The following GTF3C1 variants were observed in gnomAD, a reference collection of about 807,000 sequenced individuals.
GTF3C1 encodes general transcription factor 3C polypeptide 1.
GTF3C1 carries 57 observed loss-of-function variants against 226.7 expected under a neutral mutation model. That is an observed-to-expected ratio of 0.25 (90% CI 0.20 to 0.31). The LOEUF is 0.31. Ranked by LOEUF, GTF3C1 falls within the 10% of genes least tolerant of loss-of-function variation. The pLI, the probability that GTF3C1 is intolerant of heterozygous loss-of-function variation, is 1.00. For missense variants in GTF3C1, 2,217 were observed against 2,776.1 expected, an observed-to-expected ratio of 0.80 and a Z score of 4.53; for synonymous variants, 1,090 against 1,084.8, an observed-to-expected ratio of 1.00 and a Z score of -0.09.
chr16:27,513,828 C>A (rs2088613343), intron 6 of GTF3C1, among the ~76,000 whole-genome samples: 1 of 152,172 alleles, frequency 6.6e-6, no homozygotes, highest in South Asian at 2.1e-4. Flanking sequence ...GGTGCTACGG[C>A]AAGGAGTGGG....
chr16:27,517,090 T>G (rs543903268), intron 6 of GTF3C1, among the ~76,000 whole-genome samples: 1 of 152,304 alleles, frequency 6.6e-6, no homozygotes, highest in Admixed American at 6.5e-5. Flanking sequence ...TCAAGTGTCT[T>G]GCCTGAAAAC....
In GTF3C1 at chr16:27,516,249, T is replaced by C. The variant is rs189584895; in HGVS notation, c.974-4348A>G. Among the ~76,000 whole-genome samples the C allele has an allele frequency of 3.3e-4, 51 of 152,366 alleles. No homozygotes were observed. The East Asian group carries it at 9.4e-3, about 28-fold the overall frequency. ...TGGTTCTCAGCATGAGGCTCAGTTG[T>C]TGGCCATGGAGGCTGAGGGCGATGC... On this transcript the variant is annotated intron_variant, in intron 6 of 36. Transcript: ENST00000356183.
chr16:27,529,360 T>C (rs2088881100), intron 5 of GTF3C1, among the ~76,000 whole-genome samples: 1 of 151,200 alleles, frequency 6.6e-6, no homozygotes, highest in Non-Finnish European at 1.5e-5. Context: ...GAGAACTGCT[T>C]GAACTGGGAG....
At chr16:27,501,125 A>G (rs533868523) in intron 12 of GTF3C1, 66 bp downstream of exon 12, 1 of 1,328,824 alleles carries the variant, frequency 7.5e-7, no homozygotes, top group South Asian at 1.2e-5. Context: ...CAATGACAAG[A>G]GAAGCTAGAC....
rs768971933 is a variant in GTF3C1 at position 27,497,648 on chromosome 16, T to C, written c.2339A>G (p.His780Arg). Residue 780 changes from histidine (H) to arginine (R), a missense_variant, in exon 14 of 37, where the codon CAC becomes CGC. Transcript: ENST00000356183. ...KMGITPLRNY[H>R]PIVVPGLGRS... ...AAGCTGCAGCTTACCTACAATGGGG[T>C]GATAATTTCTAAGCGGGGTTATGCC... The C allele has an allele frequency of 7.4e-6, 12 of 1,612,166 alleles. No homozygotes were observed. The highest frequency in any genetic ancestry group is 1.7e-5 in the Admixed American group (1 of 59,892).
At chr16:27,524,971 T>C (rs902783121) in intron 6 of GTF3C1, among the ~76,000 whole-genome samples, 1 of 152,014 alleles carries the variant, frequency 6.6e-6, no homozygotes, top group Non-Finnish European at 1.5e-5. Context: ...CTGGCCAACA[T>C]GGTAAAACCC....
In GTF3C1 at chr16:27,469,406, G is replaced by A. The variant is rs772629593; in HGVS notation, c.4959C>T (p.Ser1653=). 1.1e-5 allele frequency: 18 copies of A among 1,613,890 alleles called. No individual in the cohort carries two copies. The South Asian group carries it at 1.8e-4, about 16-fold the overall frequency. Residue 1653 remains serine (S), a synonymous_variant, in exon 32 of 37, where the codon TCC becomes TCT. Transcript: ENST00000356183. This position sits in a 1 kb window ranked among gnomAD's most constrained non-coding sequence, Gnocchi z 4.5. ...TNYLLMRGYY[S]PGIVSTRNLN... Reference sequence around the variant, plus strand: ...GGTTGCGGGTGCTGACGATGCCGGGGGAGTAGTAGCCCCTCATCAGCAGGT... The same window carrying A: ...GGTTGCGGGTGCTGACGATGCCGGGAGAGTAGTAGCCCCTCATCAGCAGGT...
At chr16:27,485,704 T>A (rs2088128010) in intron 24 of GTF3C1, among the ~76,000 whole-genome samples, 1 of 152,228 alleles carries the variant, frequency 6.6e-6, no homozygotes, top group Non-Finnish European at 1.5e-5. Flanking sequence ...TAGCTGGTCA[T>A]GGCAGGGTGC....
chr16:27,536,347 C>G (rs527466416), intron 4 of GTF3C1, among the ~76,000 whole-genome samples: 2 of 152,160 alleles, frequency 1.3e-5, no homozygotes, highest in African/African-American at 2.4e-5. Flanking sequence ...AATCCCAGCA[C>G]TTTGGGAGGC....
At chr16:27,489,481 C>T in intron 20 of GTF3C1, 121 bp downstream of exon 20, 2 of 735,746 alleles carry the variant, frequency 2.7e-6, no homozygotes, top group South Asian at 3.6e-5. Context: ...TCTGCAGCCT[C>T]TGCACCGGAG....
chr16:27,502,767 C>T, intron 11 of GTF3C1, 92 bp downstream of exon 11: 1 of 1,293,668 alleles, frequency 7.7e-7, no homozygotes. Flanking sequence ...ATTTGAATGC[C>T]CCTCAGTGGT....
At chr16:27,522,196 C>T (rs766650242) in intron 6 of GTF3C1, among the ~76,000 whole-genome samples, 5 of 152,238 alleles carry the variant, frequency 3.3e-5, no homozygotes, top group Non-Finnish European at 5.9e-5. Flanking sequence ...TCACAGGCCT[C>T]TGCATCCATC....
intron 14 of GTF3C1, among the ~76,000 whole-genome samples, chr16:27,497,236 G>A (rs1047905949): frequency 3.3e-5 from 5 of 152,240 alleles, no homozygotes; most frequent in Non-Finnish European, 1.5e-5. Flanking sequence ...CAACTCTGAG[G>A]AAATTATAGG....
chr16:27,512,086 T>C (rs570398265), intron 6 of GTF3C1, among the ~76,000 whole-genome samples, 185 bp from the exon 7 acceptor site: 3 of 152,286 alleles, frequency 2.0e-5, no homozygotes, highest in East Asian at 3.9e-4. Flanking sequence ...GAAAATGTAT[T>C]CCATAAAGCT....
intron 7 of GTF3C1, 121 bp downstream of exon 7, chr16:27,511,628 A>G (rs2088571360): frequency 9.5e-7 from 1 of 1,056,634 alleles, no homozygotes; most frequent in African/African-American, 1.6e-5. Flanking sequence ...CTGGGGAACC[A>G]AGGCACTTCC....
In GTF3C1 at chr16:27,549,567, T is replaced by TAC. The variant is rs1442671379; in HGVS notation, c.221+101_221+102dup. The TAC allele has an allele frequency of 7.2e-4, 511 of 709,142 alleles. 2 individuals carry two copies. Among genetic ancestry groups the TAC allele is most frequent in the Non-Finnish European group, 4.4e-5 (19 of 432,480 alleles). The allele number at this position is 709,142 out of a possible 1,614,324, so 43.9% of individuals were successfully genotyped here. A position where few individuals can be genotyped will look rare whatever the true frequency, so the allele number is the denominator to read the frequency against. ...CCCAACTCAATCAACAGGCCTCCGG[T>TAC]ACTTGCACAGCCCCACTCCATTCCC... On this transcript the variant is annotated intron_variant, in intron 1 of 36. Transcript: ENST00000356183.
At position 27,471,576 on chromosome 16, in the gene GTF3C1, A is replaced by T. The variant is rs919846688; in HGVS notation, c.4526+172T>A. ...CTGCCAGCGCTCACCTGATCCCCAT[A>T]CCACGAAGGAGGTAAGGGGCTGCAG... On this transcript the variant is annotated intron_variant, in intron 30 of 36. Transcript: ENST00000356183. The surrounding 1 kb of genome is among the most constrained non-coding windows in gnomAD (Gnocchi z 5.0). The T allele has an allele frequency of 4.7e-5, 28 of 593,774 alleles. No individual in the cohort carries two copies. Among genetic ancestry groups the T allele is most frequent in the African/African-American group, 4.4e-4 (24 of 54,090 alleles). The allele number at this position is 593,774 out of a possible 1,614,324, so 36.8% of individuals were successfully genotyped here. A position where few individuals can be genotyped will look rare whatever the true frequency, so the allele number is the denominator to read the frequency against.
chr16:27,506,969 T>A lies in GTF3C1; in HGVS notation c.1430A>T (p.Glu477Val), dbSNP rs2141403473. 1 of 1,613,088 alleles carries A rather than the reference T, an allele frequency of 6.2e-7. No homozygotes were observed. The highest frequency in any genetic ancestry group is 1.7e-4 in the Middle Eastern group (1 of 6,058). Residue 477 changes from glutamate (E) to valine (V), a missense_variant, in exon 9 of 37, where the codon GAG becomes GTG. This residue lies in a region of GTF3C1 where 173 missense variants were observed against 207.2 expected (regional missense o/e 0.83). Transcript: ENST00000356183. ...GCTCCTCTCCTCCTCACTGTCCGAC[T>A]CAGAGAGGAAGGTGTCCTCGCCTTC... ...LPEGEDTFLSESDSEEERSSS... is the reference protein window; with the variant it reads ...LPEGEDTFLSVSDSEEERSSS...
chr16:27,472,800 A>T (rs1296537903), intron 29 of GTF3C1, among the ~76,000 whole-genome samples: 2 of 151,954 alleles, frequency 1.3e-5, no homozygotes, highest in African/African-American at 4.8e-5. Context: ...ATCCCTCTCC[A>T]TTCTCCTCCT....
Sources: gnomAD v4.1 joint callset for allele counts (sites outside exome capture counted in the v4.1 genomes callset) on GRCh38, gnomAD v4.1.1 for gene constraint, gnomAD v4.1.1 regional missense constraint, Gnocchi (gnomAD v3.1) non-coding constraint, MANE v1.5 for transcripts, NCBI Gene and HGNC (gene_info 2026-07-23, HGNC 2026-07-21) for gene names.